KLHL13: variants seen among roughly 807,000 people sequenced by gnomAD.
The protein encoded by KLHL13 is kelch like family member 13.
In KLHL13, 10 loss-of-function variants were observed where a neutral mutation model predicts 37.1. That is an observed-to-expected ratio of 0.27 (90% CI 0.17 to 0.46). The LOEUF (loss-of-function observed/expected upper bound fraction) is 0.46. Among genes scored for constraint, KLHL13 ranks in the 20% least tolerant of loss-of-function variants. The pLI is 1.00. For missense variants in KLHL13, 360 were observed against 509.3 expected, an observed-to-expected ratio of 0.71 and a Z score of 2.82; for synonymous variants, 163 against 181.2, an observed-to-expected ratio of 0.90 and a Z score of 0.81.
At chrX:117,899,193 T>C in exon 7 of KLHL13, 1 of 1,211,275 alleles carries the variant, frequency 8.3e-7, no homozygotes, top group Non-Finnish European at 1.1e-6. Flanking sequence ...CAAGGATAGG[T>C]GAATAGTATT....
At chrX:117,973,435 C>A (rs1227055027) in exon 1 of KLHL13, 1 of 962,962 alleles carries the variant, frequency 1.0e-6, no homozygotes, top group Non-Finnish European at 1.3e-6. Context: ...AATTCAGCAG[C>A]CTGCTTTCCT....
chrX:118,003,304 G>A (rs111263659), intron 1 of KLHL13, among the ~76,000 whole-genome samples: 1 of 112,035 alleles, frequency 8.9e-6, no homozygotes, highest in Non-Finnish European at 1.9e-5. Context: ...AGCACTTGAA[G>A]TCAGGAGTTC....
rs1569418479 is a variant in KLHL13, at chrX:117,930,241, G to GAA, written c.241-9872_241-9871insTT. 2.1e-3 allele frequency among the ~76,000 whole-genome samples: 169 copies of GAA among 82,046 alleles called. 4 individuals carry two copies. The highest frequency in any genetic ancestry group is 8.8e-3 in the African/African-American group (153 of 17,418). 71.2% of individuals were successfully genotyped at this position (82,046 alleles called of 115,157 possible). On this transcript the variant is annotated intron_variant, in intron 2 of 6. Transcript: ENST00000262820. ...AGAAGGAAGGAAGGAAGGAAGGAAG[G>GAA]GAGGAAGGAAGGAAGGAAGGAAGGA...
intron 1 of KLHL13, among the ~76,000 whole-genome samples, chrX:118,056,591 C>T (rs1252774708): frequency 1.8e-5 from 2 of 111,912 alleles, no homozygotes; most frequent in Admixed American, 9.5e-5. Context: ...AGATAATATA[C>T]TTACATAATA....
chrX:117,937,063 C>T (rs959038746), intron 2 of KLHL13, among the ~76,000 whole-genome samples: 1 of 111,674 alleles, frequency 9.0e-6, no homozygotes, highest in Non-Finnish European at 1.9e-5. Flanking sequence ...AGTTTCTCCC[C>T]ATGGATCAGT....
intron 1 of KLHL13, among the ~76,000 whole-genome samples, chrX:118,069,334 G>A (rs2054830451): frequency 9.4e-6 from 1 of 106,077 alleles, no homozygotes; most frequent in Non-Finnish European, 1.9e-5. Flanking sequence ...GTGGAAGGCA[G>A]TGAAATTGAT....
intron 1 of KLHL13, among the ~76,000 whole-genome samples, chrX:118,057,129 C>T (rs2054693163): frequency 1.8e-5 from 2 of 111,746 alleles, no homozygotes. Flanking sequence ...GGTAATCAAA[C>T]AGTGTGGTGT....
rs1015761834 is a variant in KLHL13, at chrX:118,059,885, A to G, written c.-56+56623T>C. Among the ~76,000 whole-genome samples, 5 of 111,677 alleles carry G rather than the reference A, an allele frequency of 4.5e-5. No homozygotes were observed. In the Admixed American group the frequency reaches 4.8e-4, roughly 11 times the overall value. ...TATCATGGTGTTCAATTCTAGCTCT[A>G]CCACTGAACTGTGTTACCGTGAGCA... On this transcript the variant is annotated intron_variant, in intron 1 of 6. Transcript: ENST00000371882.
At position 117,928,837 on chromosome X, in the gene KLHL13, C is replaced by T. The variant is rs1602559581; in HGVS notation, c.241-8467G>A. On this transcript the variant is annotated intron_variant, in intron 2 of 6. Transcript: ENST00000262820. ...GCAGGAGAATTGCAATAATAAAGAT[C>T]ATAGTGGAAATCAATGAAATAGAAA... is the stretch of plus-strand genomic sequence containing the variant. Among the ~76,000 whole-genome samples, 3 of 111,334 alleles carry T rather than the reference C, an allele frequency of 2.7e-5. No homozygotes were observed. The South Asian group carries it at 1.1e-3, about 42-fold the overall frequency.
intron 1 of KLHL13, among the ~76,000 whole-genome samples, chrX:118,032,255 T>G (rs992943564): frequency 8.9e-6 from 1 of 112,160 alleles, no homozygotes; most frequent in Middle Eastern, 4.2e-3. Flanking sequence ...CAAGGAGACC[T>G]GCCTGCCTCT....
intron 1 of KLHL13, among the ~76,000 whole-genome samples, chrX:118,002,363 G>A (rs1261322009): frequency 4.4e-4 from 49 of 110,139 alleles, no homozygotes; most frequent in Admixed American, 4.4e-3. Context: ...TTGGGAGGCC[G>A]AGGTGGGCGG....
chrX:117,909,217 T>C, intron 5 of KLHL13, 84 bp downstream of exon 6: 1 of 821,072 alleles, frequency 1.2e-6, no homozygotes, highest in Non-Finnish European at 1.7e-6. Context: ...TTTTATCTGA[T>C]TTTACAGGAC....
chrX:118,108,631 C>G (rs1011483195), intron 1 of KLHL13, among the ~76,000 whole-genome samples: 8 of 112,100 alleles, frequency 7.1e-5, no homozygotes, highest in African/African-American at 2.6e-4. Flanking sequence ...AATTAACAAA[C>G]CAATTTGTAT....
At chrX:118,084,357 A>C (rs748835128) in intron 1 of KLHL13, among the ~76,000 whole-genome samples, 33 of 111,597 alleles carry the variant, frequency 3.0e-4, no homozygotes, top group African/African-American at 1.1e-3. Context: ...TATTAGCTGA[A>C]TAATAGTGAC....
At chrX:117,944,526 C>A (rs777634443) in intron 2 of KLHL13, among the ~76,000 whole-genome samples, 1 of 111,699 alleles carries the variant, frequency 9.0e-6, no homozygotes, top group East Asian at 2.8e-4. Context: ...AACCTTGTCC[C>A]TCATTATATT....
chrX:118,064,039 T>A (rs1437785957), intron 1 of KLHL13, among the ~76,000 whole-genome samples: 1 of 111,645 alleles, frequency 9.0e-6, no homozygotes, highest in Non-Finnish European at 1.9e-5. Context: ...ACAAGGCCAT[T>A]TAGGTTGATA....
intron 1 of KLHL13, among the ~76,000 whole-genome samples, chrX:118,045,457 A>G (rs1229504235): frequency 2.7e-5 from 3 of 110,877 alleles, no homozygotes; most frequent in Non-Finnish European, 5.7e-5. Flanking sequence ...TATGGCAAAC[A>G]GGCCAATAAA....
chrX:118,013,882 AAATTGTG>A (rs2054097595), intron 1 of KLHL13, among the ~76,000 whole-genome samples: 1 of 112,381 alleles, frequency 8.9e-6, no homozygotes, highest in African/African-American at 3.2e-5. Context: ...CTCTGAACAT[AAATTGTG>A]AAGATTTCAT....
intron 1 of KLHL13, among the ~76,000 whole-genome samples, chrX:117,956,704 G>GTC (rs1381494576): frequency 9.0e-6 from 1 of 110,716 alleles, no homozygotes; most frequent in Non-Finnish European, 1.9e-5. Flanking sequence ...CAGTGTAGAT[G>GTC]AGAAGCAGAC....
Sources: allele counts gnomAD v4.1 joint callset (sites outside exome capture counted in the v4.1 genomes callset), GRCh38; gene constraint gnomAD v4.1.1; transcripts MANE v1.5; gene names NCBI Gene and HGNC (gene_info 2026-07-23, HGNC 2026-07-21).